The following DCDC1 variants were observed in gnomAD, a reference collection of about 807,000 sequenced individuals.
The protein encoded by DCDC1 is doublecortin domain-containing protein 1.
DCDC1 carries 200 observed loss-of-function variants against 178.3 expected under a neutral mutation model. The observed-to-expected ratio is 1.12, with a 90% CI of 1.00 to 1.26. DCDC1 has a LOEUF of 1.26. Ranked by LOEUF, DCDC1 falls within the 50% of genes most tolerant of loss-of-function variation. The probability of loss-of-function intolerance (pLI) is 0.00; values close to 1 mark genes in which losing one functional copy is unlikely to be tolerated. For missense variants in DCDC1, 1,983 were observed against 1,749.2 expected, an observed-to-expected ratio of 1.13 and a Z score of -2.38; for synonymous variants, 690 against 604.8, an observed-to-expected ratio of 1.14 and a Z score of -2.07.
chr11:30,999,019 T>G (rs1478137041), intron 20 of DCDC1, among the ~76,000 whole-genome samples: 3 of 152,184 alleles, frequency 2.0e-5, no homozygotes, highest in African/African-American at 7.2e-5. Context: ...ATAATTTCAG[T>G]CTAATTTTAT....
chr11:30,949,594 T>G (rs1364203470), intron 21 of DCDC1, among the ~76,000 whole-genome samples: 1 of 152,112 alleles, frequency 6.6e-6, no homozygotes, highest in Non-Finnish European at 1.5e-5. Context: ...AGCGAAGACT[T>G]GAAACCAACC....
chr11:31,072,069 T>C (rs1379766474), intron 18 of DCDC1, among the ~76,000 whole-genome samples: 1 of 152,226 alleles, frequency 6.6e-6, no homozygotes, highest in African/African-American at 2.4e-5. Flanking sequence ...AATAGATAAC[T>C]GATACATAAA....
At chr11:30,868,348 T>A (rs967866489) in intron 38 of DCDC1, among the ~76,000 whole-genome samples, 33 of 149,490 alleles carry the variant, frequency 2.2e-4, no homozygotes, top group African/African-American at 6.9e-4. Context: ...CCTCCCGGGT[T>A]CCAGAGATTC....
At chr11:30,985,602 C>T (rs1360054815) in intron 20 of DCDC1, among the ~76,000 whole-genome samples, 1 of 152,022 alleles carries the variant, frequency 6.6e-6, no homozygotes, top group African/African-American at 2.4e-5. Context: ...TTTTTATCAC[C>T]TCACTTTACC....
intron 9 of DCDC1, among the ~76,000 whole-genome samples, chr11:31,160,574 G>C (rs571148055): frequency 1.5e-4 from 23 of 151,956 alleles, no homozygotes; most frequent in African/African-American, 5.5e-4. Context: ...TGATTTTCTA[G>C]AGGGCTGTTC....
chr11:31,361,394 C>A (rs1056295851), intron 1 of DCDC1, among the ~76,000 whole-genome samples: 3 of 152,196 alleles, frequency 2.0e-5, no homozygotes, highest in Non-Finnish European at 2.9e-5. Context: ...TTCAACTCAA[C>A]TCATTACATG....
intron 20 of DCDC1, among the ~76,000 whole-genome samples, chr11:31,057,292 GGAAAGAAA>G (rs1471542903): frequency 2.0e-5 from 3 of 147,740 alleles, no homozygotes; most frequent in Admixed American, 1.4e-4. Context: ...AGGGAGGGAA[GGAAAGAAA>G]GAAAGAAAGA....
intron 9 of DCDC1, among the ~76,000 whole-genome samples, chr11:31,168,178 C>T (rs1966855506): frequency 6.6e-6 from 1 of 152,120 alleles, no homozygotes; most frequent in Non-Finnish European, 1.5e-5. Flanking sequence ...CACTCTCTAC[C>T]CCCTCAATCT....
At chr11:31,243,383 T>C (rs531583374) in intron 8 of DCDC1, among the ~76,000 whole-genome samples, 85 of 151,778 alleles carry the variant, frequency 5.6e-4, no homozygotes, top group South Asian at 1.7e-3. Flanking sequence ...TTTTTGAACA[T>C]TGAAAGGCAC....
chr11:31,162,976 T>G (rs895190368), intron 9 of DCDC1, among the ~76,000 whole-genome samples: 1 of 152,186 alleles, frequency 6.6e-6, no homozygotes, highest in African/African-American at 2.4e-5. Flanking sequence ...ACCACTGCCT[T>G]TGACTCCTAA....
chr11:31,315,914 T>C (rs1317511980), intron 3 of DCDC1, among the ~76,000 whole-genome samples: 2 of 114,736 alleles, frequency 1.7e-5, no homozygotes, highest in Non-Finnish European at 3.4e-5. Context: ...TGTTTGGTTT[T>C]TTGTTCTTGC....
chr11:31,085,633 G>T (rs1382954748), intron 17 of DCDC1, among the ~76,000 whole-genome samples: 1 of 152,058 alleles, frequency 6.6e-6, no homozygotes, highest in African/African-American at 2.4e-5. Flanking sequence ...CTATGGATGG[G>T]ATGGACATTT....
At chr11:30,983,373 T>C (rs1950485194) in intron 20 of DCDC1, among the ~76,000 whole-genome samples, 1 of 152,200 alleles carries the variant, frequency 6.6e-6, no homozygotes, top group Admixed American at 6.5e-5. Flanking sequence ...AAACACAATA[T>C]TGCGAAATGA....
At chr11:31,356,537 A>G (rs1211829847) in intron 1 of DCDC1, among the ~76,000 whole-genome samples, 1 of 151,660 alleles carries the variant, frequency 6.6e-6, no homozygotes, top group Admixed American at 6.6e-5. Context: ...CTAGAAAAGC[A>G]AGAGCAAACA....
intron 35 of DCDC1, 140 bp from the exon 36 acceptor site, chr11:30,893,137 T>C: frequency 1.2e-6 from 1 of 851,724 alleles, no homozygotes; most frequent in Non-Finnish European, 1.7e-6. Context: ...TTAAGTACAT[T>C]AGCCTCTCTT....
At chr11:31,002,610 A>G (rs956245614) in intron 20 of DCDC1, among the ~76,000 whole-genome samples, 1 of 152,192 alleles carries the variant, frequency 6.6e-6, no homozygotes, top group East Asian at 1.9e-4. Flanking sequence ...AAATTATGCT[A>G]TAATTTCTAT....
At chr11:30,987,404 TGTTC>T (rs370209977) in intron 20 of DCDC1, among the ~76,000 whole-genome samples, 15 of 152,334 alleles carry the variant, frequency 9.8e-5, no homozygotes, top group African/African-American at 3.6e-4. Context: ...TGCCAGAAAC[TGTTC>T]TGGGCACTTG....
intron 9 of DCDC1, among the ~76,000 whole-genome samples, chr11:31,198,405 T>C (rs1221103133): frequency 1.3e-5 from 2 of 152,092 alleles, no homozygotes; most frequent in Non-Finnish European, 2.9e-5. Context: ...TTCTACTTTA[T>C]ATTATAAAAC....
intron 20 of DCDC1, among the ~76,000 whole-genome samples, chr11:30,954,619 T>G (rs1433826434): frequency 6.6e-5 from 10 of 152,210 alleles, no homozygotes; most frequent in Non-Finnish European, 1.0e-4. Context: ...TGTAACATTG[T>G]GGCAAGAGCA....
Sources: gnomAD v4.1 joint callset for allele counts (sites outside exome capture counted in the v4.1 genomes callset) on GRCh38, gnomAD v4.1.1 for gene constraint, MANE v1.5 for transcripts, NCBI Gene and HGNC (gene_info 2026-07-23, HGNC 2026-07-21) for gene names.